The following MAST2 variants were observed in gnomAD, a reference collection of about 807,000 sequenced individuals.
MAST2 encodes the protein microtubule-associated serine/threonine-protein kinase 2.
Under a neutral mutation model 147.4 loss-of-function variants are expected in MAST2, and 70 were observed. That is an observed-to-expected ratio of 0.47 (90% CI 0.39 to 0.58). The LOEUF is 0.58. Ranked by LOEUF, MAST2 falls within the 20% of genes least tolerant of loss-of-function variation. The pLI is 0.00. For synonymous variants in MAST2, 869 were observed against 896.8 expected, an observed-to-expected ratio of 0.97 and a Z score of 0.55; for missense variants, 2,080 against 2,302.3, an observed-to-expected ratio of 0.90 and a Z score of 1.98.
rs530234469 is a variant in MAST2, at chr1:45,928,963, T to C, written c.501-30423T>C. Among the ~76,000 whole-genome samples the C allele has an allele frequency of 2.6e-5, 4 of 152,202 alleles. No individual in the cohort carries two copies. In the East Asian group the frequency reaches 7.7e-4, roughly 29 times the overall value. ...TTCTGACATGTTCTTATGAGCTCTG[T>C]ATTTCCTATAAACTGGGGGCTTGAC... On this transcript the variant is annotated intron_variant, in intron 4 of 28. Coordinates refer to ENST00000361297, the MANE Select transcript of MAST2 (RefSeq NM_015112.3).
chr1:45,826,010 G>T (rs1238700837), intron 2 of MAST2, among the ~76,000 whole-genome samples: 1 of 151,998 alleles, frequency 6.6e-6, no homozygotes, highest in East Asian at 2.0e-4. Flanking sequence ...CTGGGAGGTG[G>T]AGGCTGAGTG....
intron 4 of MAST2, among the ~76,000 whole-genome samples, chr1:45,912,715 T>G (rs903072503): frequency 2.6e-5 from 4 of 152,254 alleles, no homozygotes; most frequent in African/African-American, 9.6e-5. Context: ...AGGGTTTAGC[T>G]CCACAGTTTA....
intron 3 of MAST2, among the ~76,000 whole-genome samples, chr1:45,870,682 G>T (rs913076548): frequency 6.6e-6 from 1 of 151,656 alleles, no homozygotes; most frequent in African/African-American, 2.4e-5. Flanking sequence ...AGCACTTTGA[G>T]AGTGCCAGGT....
intron 1 of MAST2, among the ~76,000 whole-genome samples, chr1:45,814,202 G>A (rs1644384969): frequency 6.6e-6 from 1 of 151,988 alleles, no homozygotes; most frequent in Non-Finnish European, 1.5e-5. Flanking sequence ...ATTTTAGAGT[G>A]TACCCCTACT....
At chr1:45,948,114 G>T (rs573342261) in intron 4 of MAST2, among the ~76,000 whole-genome samples, 2 of 152,184 alleles carry the variant, frequency 1.3e-5, no homozygotes, top group Admixed American at 6.5e-5. Context: ...GCCAACAGCA[G>T]CCAGGGAGAG....
chr1:45,829,342 G>A, intron 2 of MAST2, 97 bp from the exon 3 acceptor site: 1 of 1,055,598 alleles, frequency 9.5e-7, no homozygotes. Context: ...CTTTGTATCA[G>A]TATGGTTTTA....
intron 4 of MAST2, among the ~76,000 whole-genome samples, chr1:45,924,821 G>A (rs545789213): frequency 2.0e-4 from 31 of 152,256 alleles, no homozygotes; most frequent in African/African-American, 7.0e-4. Flanking sequence ...CTTACGAGAA[G>A]AGGGGATTAG....
At chr1:45,809,569 C>T (rs1451997256) in intron 1 of MAST2, among the ~76,000 whole-genome samples, 2 of 152,108 alleles carry the variant, frequency 1.3e-5, no homozygotes, top group African/African-American at 4.8e-5. Context: ...GAAGTTGAGG[C>T]TGCAGTGAGC....
chr1:45,884,779 A>G (rs979727634), intron 4 of MAST2, among the ~76,000 whole-genome samples: 1 of 152,194 alleles, frequency 6.6e-6, no homozygotes, highest in East Asian at 1.9e-4. Context: ...AAACATGGGT[A>G]CTAATATAGG....
At chr1:45,861,326 A>T (rs1444809552) in intron 3 of MAST2, among the ~76,000 whole-genome samples, 2 of 152,198 alleles carry the variant, frequency 1.3e-5, no homozygotes, top group African/African-American at 4.8e-5. Context: ...TAAAATGATG[A>T]TGAATGATGT....
intron 5 of MAST2, among the ~76,000 whole-genome samples, chr1:45,996,759 T>C (rs1645073658): frequency 1.3e-5 from 2 of 152,118 alleles, no homozygotes; most frequent in South Asian, 2.1e-4. Context: ...ATAAGCCCTA[T>C]TGGATAGAGA....
chr1:45,889,784 T>A (rs903744130), intron 4 of MAST2, among the ~76,000 whole-genome samples: 11 of 151,992 alleles, frequency 7.2e-5, no homozygotes, highest in African/African-American at 2.2e-4. Context: ...TTTTTTTTTT[T>A]ATTTTTAGTA....
At chr1:45,939,979 G>GGTTTTTT (rs1656936566) in intron 4 of MAST2, among the ~76,000 whole-genome samples, 1 of 28,650 alleles carries the variant, frequency 3.5e-5, no homozygotes, top group Non-Finnish European at 5.7e-5. Context: ...ATTTATTTAG[G>GGTTTTTT]GTTTTTTTTT....
At position 46,032,247 on chromosome 1, in the gene MAST2, G is replaced by A. The variant is rs1371783535; in HGVS notation, c.3257G>A (p.Arg1086Gln). 18 of 1,614,020 alleles carry A rather than the reference G, an allele frequency of 1.1e-5. No homozygotes were observed. The highest frequency in any genetic ancestry group is 1.6e-4 in the Middle Eastern group (1 of 6,084). ...TCTCAGTCGTCCAACCCATCATCCC[G>A]GGACTCTTCTCCAAGCAGGGACTTC... ...PHSQSSNPSS[R>Q]DSSPSRDFLP... Residue 1086 changes from arginine to glutamine, a missense_variant, in exon 25 of 29, where the codon CGG (arginine) becomes CAG (glutamine). Transcript: ENST00000361297.
At position 46,032,675 on chromosome 1, in the gene MAST2, T is replaced by C; in HGVS notation, c.3494T>C (p.Val1165Ala). The C allele has an allele frequency of 6.2e-7, 1 of 1,614,192 alleles. No individual in the cohort carries two copies. The highest frequency in any genetic ancestry group is 1.3e-5 in the African/African-American group (1 of 75,052). ...DLITHVNGEP[V>A]HGLVHTEVVE... ...ATCACCCATGTCAATGGGGAACCTG[T>C]GCATGGCCTGGTGCACACGGAGGTG... The change falls in exon 26 of 29, where the codon GTG becomes GCG. Residue 1165 changes from valine (V) to alanine (A), a missense_variant. Coordinates refer to ENST00000361297, the MANE Select transcript of MAST2 (RefSeq NM_015112.3).
chr1:46,013,978 G>GT (rs977818941), intron 10 of MAST2, among the ~76,000 whole-genome samples: 13 of 151,558 alleles, frequency 8.6e-5, no homozygotes, highest in South Asian at 4.2e-4. Flanking sequence ...CATTTACTGT[G>GT]TTTTTTTTCC....
At chr1:45,810,260 G>T (rs748523404) in intron 1 of MAST2, among the ~76,000 whole-genome samples, 7 of 152,174 alleles carry the variant, frequency 4.6e-5, no homozygotes, top group Non-Finnish European at 1.0e-4. Context: ...TTCAACTTTA[G>T]TTCCTAAAAT....
At chr1:45,868,269 T>C (rs1646241924) in intron 3 of MAST2, among the ~76,000 whole-genome samples, 2 of 152,210 alleles carry the variant, frequency 1.3e-5, no homozygotes, top group Non-Finnish European at 2.9e-5. Context: ...GCTTTTATAC[T>C]TGCCCTGTTT....
rs562891512 is a variant in MAST2 at position 45,856,785 on chromosome 1, C to A, written c.469-25579C>A. ...CGTGGGGAGAAGTTATCCTTTAGAT[C>A]TGTTTTTTTTTTTTATGTGAGTATG... is the stretch of plus-strand genomic sequence containing the variant. On this transcript the variant is annotated intron_variant, in intron 3 of 28. Transcript: ENST00000361297. 6.7e-5 allele frequency among the ~76,000 whole-genome samples: 10 copies of A among 150,340 alleles called. No homozygotes were observed. In the South Asian group the frequency reaches 1.9e-3, roughly 29 times the overall value.
Sources: allele counts gnomAD v4.1 joint callset (sites outside exome capture counted in the v4.1 genomes callset), GRCh38; gene constraint gnomAD v4.1.1; transcripts MANE v1.5; gene names NCBI Gene and HGNC (gene_info 2026-07-23, HGNC 2026-07-21).